Variants in DRC10 observed in about 807,000 individuals in gnomAD.
DRC10 encodes the protein IQ domain-containing protein D.
the DRC10 span, chr12:113,200,491 C>A: frequency 9.5e-7 from 1 of 1,055,990 alleles, no homozygotes; most frequent in Non-Finnish European, 1.4e-6. Context: ...CTGCCCAACA[C>A]TGCTGGACCT....
At chr12:113,202,013 C>G in the DRC10 span, among the ~76,000 whole-genome samples, 2,359 of 152,328 alleles carry the variant, frequency 0.015, 83 homozygotes, top group East Asian at 0.15. Context: ...CAGGTCAGTC[C>G]AAGGTGAAGC....
chr12:113,213,359 C>T, the DRC10 span, among the ~76,000 whole-genome samples: 1 of 152,082 alleles, frequency 6.6e-6, no homozygotes, highest in African/African-American at 2.4e-5. Flanking sequence ...AGGTAATAAG[C>T]ATAGTACCTG....
At chr12:113,210,179 T>C in the DRC10 span, among the ~76,000 whole-genome samples, 2 of 152,196 alleles carry the variant, frequency 1.3e-5, no homozygotes, top group African/African-American at 4.8e-5. Context: ...GAAAAATCTA[T>C]AGGGCAATCA....
At chr12:113,207,294 G>A in the DRC10 span, 14 of 757,538 alleles carry the variant, frequency 1.8e-5, no homozygotes, top group Non-Finnish European at 3.0e-5. Flanking sequence ...GTTGCAGTGA[G>A]TCGAGATTAC....
chr12:113,211,690 T>C, the DRC10 span, among the ~76,000 whole-genome samples: 1 of 152,140 alleles, frequency 6.6e-6, no homozygotes, highest in South Asian at 2.1e-4. Context: ...GGATTGGGAA[T>C]TATCTTCAAT....
At chr12:113,220,638 G>A in the DRC10 span, among the ~76,000 whole-genome samples, 7 of 152,166 alleles carry the variant, frequency 4.6e-5, no homozygotes, top group Non-Finnish European at 1.0e-4. Context: ...ACCGAGGAAC[G>A]TATGGCCGTT....
chr12:113,196,017 C>T, the DRC10 span: 1 of 1,366,846 alleles, frequency 7.3e-7, no homozygotes, highest in African/African-American at 1.5e-5. Context: ...AGCTGTTCAG[C>T]ATCTCTCGGT....
the DRC10 span, among the ~76,000 whole-genome samples, chr12:113,202,169 C>T: frequency 9.2e-5 from 14 of 152,208 alleles, no homozygotes; most frequent in Non-Finnish European, 1.6e-4. Flanking sequence ...AACAAGTATA[C>T]ATCATGCCCC....
the DRC10 span, among the ~76,000 whole-genome samples, chr12:113,209,124 G>T: frequency 6.6e-6 from 1 of 151,986 alleles, no homozygotes; most frequent in Non-Finnish European, 1.5e-5. Flanking sequence ...TAGAGACAGG[G>T]TTTTGCCATG....
At chr12:113,195,598 CCTTGCCTTTCTGCTTGCCCTTCTCCTT>C in the DRC10 span, 1 of 1,604,082 alleles carries the variant, frequency 6.2e-7, no homozygotes, top group East Asian at 2.2e-5. Context: ...TTGCCCTTCT[CCTTGCCTTTCTGCTTGCCCTTCTCCTT>C]GTCCTTTGCT....
the DRC10 span, chr12:113,200,524 ACCCATCCC>A: frequency 3.5e-6 from 2 of 563,956 alleles, no homozygotes; most frequent in Non-Finnish European, 3.2e-6. Flanking sequence ...GAACAGTCCC[ACCCATCCC>A]CCCCACCAGG....
chr12:113,213,273 G>A, the DRC10 span, among the ~76,000 whole-genome samples: 7 of 151,708 alleles, frequency 4.6e-5, no homozygotes, highest in South Asian at 2.1e-4. Context: ...ATTTAGGTTC[G>A]GGTTACATGT....
chr12:113,195,878 C>T, the DRC10 span: 2 of 1,606,058 alleles, frequency 1.2e-6, no homozygotes, highest in Non-Finnish European at 1.7e-6. Flanking sequence ...CGTCCAGATC[C>T]TCCAACTCCT....
chr12:113,207,466 G>A, the DRC10 span: 80 of 1,612,786 alleles, frequency 5.0e-5, no homozygotes, highest in Admixed American at 1.0e-4. Context: ...CATTCTCTCC[G>A]CCAATTCCTT....
the DRC10 span, among the ~76,000 whole-genome samples, chr12:113,196,419 C>T: frequency 2.6e-5 from 4 of 152,308 alleles, no homozygotes; most frequent in South Asian, 2.1e-4. Flanking sequence ...TTATGTCTAA[C>T]CATAGCCTCT....
the DRC10 span, among the ~76,000 whole-genome samples, chr12:113,203,464 C>CCCTCT: frequency 1.4e-4 from 21 of 150,728 alleles, 1 homozygote; most frequent in Admixed American, 1.2e-3. Context: ...CCCTCCCCTC[C>CCCTCT]CCACCCCTTC....
chr12:113,219,992 G>A, the DRC10 span, among the ~76,000 whole-genome samples: 1 of 152,110 alleles, frequency 6.6e-6, no homozygotes, highest in Non-Finnish European at 1.5e-5. Flanking sequence ...ATTTTTAGTA[G>A]AGACAGGGTT....
the DRC10 span, chr12:113,200,326 T>C: frequency 1.5e-6 from 1 of 650,034 alleles, no homozygotes; most frequent in Admixed American, 2.1e-5. Context: ...CATGCAGCAA[T>C]GCTGGGACAG....
chr12:113,210,612 G>GAAAAAA, the DRC10 span, among the ~76,000 whole-genome samples: 1 of 107,294 alleles, frequency 9.3e-6, no homozygotes, highest in Non-Finnish European at 1.9e-5. Flanking sequence ...AAGAAAAAAA[G>GAAAAAA]AAAAAAAAAA....
Sources: allele counts gnomAD v4.1 joint callset (sites outside exome capture counted in the v4.1 genomes callset), GRCh38; gene constraint gnomAD v4.1.1; transcripts MANE v1.5; gene names NCBI Gene and HGNC (gene_info 2026-07-23, HGNC 2026-07-21).